The following PDE3A variants were observed in gnomAD, a reference collection of about 807,000 sequenced individuals.
PDE3A encodes cGMP-inhibited 3',5'-cyclic phosphodiesterase 3A.
In PDE3A, 43 loss-of-function variants were observed where a neutral mutation model predicts 98.3. That is an observed-to-expected ratio of 0.44 (90% CI 0.34 to 0.56). The LOEUF (loss-of-function observed/expected upper bound fraction) is 0.56, where lower values mean the gene tolerates loss of function less well. Among genes scored for constraint, PDE3A ranks in the 20% least tolerant of loss-of-function variants. The pLI is 0.01. For synonymous variants in PDE3A, 663 were observed against 567.9 expected (o/e 1.17, Z -2.38); for missense variants, 1,427 against 1,440.7 (o/e 0.99, Z 0.15).
At chr12:20,505,941 C>A (rs1946109286) in intron 1 of PDE3A, among the ~76,000 whole-genome samples, 4 of 151,884 alleles carry the variant, frequency 2.6e-5, no homozygotes, top group Non-Finnish European at 4.4e-5. Flanking sequence ...TTAGTGCCCC[C>A]AAAACACATA....
intron 15 of PDE3A, among the ~76,000 whole-genome samples, chr12:20,663,196 A>C (rs10083050): frequency 0.069 from 10,488 of 152,264 alleles, 720 homozygotes; most frequent in Middle Eastern, 0.18. Context: ...GATGTATGGC[A>C]ATGCCTGGAT....
intron 2 of PDE3A, among the ~76,000 whole-genome samples, chr12:20,563,124 A>G (rs953498881): frequency 6.6e-6 from 1 of 152,128 alleles, no homozygotes; most frequent in Non-Finnish European, 1.5e-5. Context: ...TTTGATGAGG[A>G]GTCATTGTGC....
chr12:20,469,697 T>C (rs1357171043), intron 1 of PDE3A, among the ~76,000 whole-genome samples: 1 of 152,254 alleles, frequency 6.6e-6, no homozygotes, highest in African/African-American at 2.4e-5. Context: ...AGACATTGCA[T>C]ACTGTCTAGA....
chr12:20,553,425 G>A (rs1304703475), intron 1 of PDE3A, among the ~76,000 whole-genome samples: 16 of 120,698 alleles, frequency 1.3e-4, no homozygotes, highest in African/African-American at 4.5e-4. Flanking sequence ...GGCCCCCAAG[G>A]TCAGAGCAAG....
chr12:20,629,789 G>A (rs1308184267), intron 5 of PDE3A, 119 bp from the exon 6 acceptor site: 2 of 740,796 alleles, frequency 2.7e-6, no homozygotes, highest in Non-Finnish European at 4.7e-6. Flanking sequence ...GGCCAGCCCG[G>A]TGACCTGAGC....
intron 1 of PDE3A, among the ~76,000 whole-genome samples, chr12:20,519,536 T>A (rs767260947): frequency 6.6e-6 from 1 of 152,234 alleles, no homozygotes; most frequent in African/African-American, 2.4e-5. Context: ...ATGTATATAT[T>A]CATTAAGTTC....
intron 1 of PDE3A, among the ~76,000 whole-genome samples, chr12:20,496,698 T>A (rs1255522691): frequency 6.6e-6 from 1 of 152,220 alleles, no homozygotes; most frequent in Non-Finnish European, 1.5e-5. Flanking sequence ...TATACTTTTT[T>A]AGATTTTGCT....
At chr12:20,535,889 G>A (rs1941736622) in intron 1 of PDE3A, among the ~76,000 whole-genome samples, 1 of 151,984 alleles carries the variant, frequency 6.6e-6, no homozygotes, top group Admixed American at 6.6e-5. Flanking sequence ...GTTTTAAGAG[G>A]GGATTTACTC....
chr12:20,444,643 T>C (rs4762756), intron 1 of PDE3A, among the ~76,000 whole-genome samples: 94,304 of 152,048 alleles, frequency 0.62, 31,551 homozygotes, highest in Non-Finnish European at 0.74. Flanking sequence ...CTTTTGAAAT[T>C]AAAGAAATAA....
At chr12:20,637,273 A>G in intron 9 of PDE3A, 36 bp downstream of exon 9, 2 of 1,500,584 alleles carry the variant, frequency 1.3e-6, no homozygotes, top group Non-Finnish European at 1.8e-6. Flanking sequence ...ATTTAAATAT[A>G]GGAAAAACAG....
intron 1 of PDE3A, among the ~76,000 whole-genome samples, chr12:20,545,516 A>T (rs1942027511): frequency 6.6e-6 from 1 of 152,090 alleles, no homozygotes; most frequent in Non-Finnish European, 1.5e-5. Context: ...TATCCGTTAA[A>T]TTCAGTCACA....
intron 1 of PDE3A, among the ~76,000 whole-genome samples, chr12:20,413,329 AT>A (rs992564077): frequency 6.6e-6 from 1 of 151,996 alleles, no homozygotes; most frequent in African/African-American, 2.4e-5. Context: ...GCAACCCACC[AT>A]TTTTTTTGTT....
chr12:20,552,714 T>C lies in PDE3A; in HGVS notation c.961-3946T>C, dbSNP rs1273593411. 4 of 1,613,898 alleles carry C rather than the reference T, an allele frequency of 2.5e-6. No homozygotes were observed. In the African/African-American group the frequency reaches 4.0e-5, roughly 16 times the overall value. Reference sequence around the variant, plus strand: ...ACAAGAGCAACGCCAAGCTGTGGAATGAGGTCCTGGCGTCACTCAAGGACC... The same window carrying C: ...ACAAGAGCAACGCCAAGCTGTGGAACGAGGTCCTGGCGTCACTCAAGGACC... On this transcript the variant is annotated intron_variant, in intron 1 of 15. Coordinates refer to ENST00000359062, the MANE Select transcript of PDE3A (RefSeq NM_000921.5). This position sits in a 1 kb window ranked among gnomAD's most constrained non-coding sequence, Gnocchi z 5.1.
At chr12:20,537,109 A>C (rs1244071442) in intron 1 of PDE3A, among the ~76,000 whole-genome samples, 1 of 152,068 alleles carries the variant, frequency 6.6e-6, no homozygotes, top group African/African-American at 2.4e-5. Flanking sequence ...GATGGGTATA[A>C]GATGGTATCT....
chr12:20,565,050 A>G (rs1942621170), intron 2 of PDE3A, among the ~76,000 whole-genome samples: 1 of 152,122 alleles, frequency 6.6e-6, no homozygotes. Flanking sequence ...AAACAAAAAT[A>G]ATACCTATTA....
intron 1 of PDE3A, among the ~76,000 whole-genome samples, chr12:20,422,915 A>C (rs1237520290): frequency 6.6e-6 from 1 of 152,214 alleles, no homozygotes; most frequent in Non-Finnish European, 1.5e-5. Context: ...TAATTTTAAA[A>C]TACTGACATC....
Position 20,635,121 on chromosome 12 carries a change from T to G in PDE3A, c.2001+65T>G, listed in dbSNP as rs751465183. The G allele has an allele frequency of 8.3e-6, 12 of 1,442,210 alleles. No homozygotes were observed. In the African/African-American group the frequency reaches 8.5e-5, roughly 10 times the overall value. 89.3% of individuals were successfully genotyped at this position (1,442,210 alleles called of 1,614,324 possible). On this transcript the variant is annotated intron_variant, in intron 8 of 15. Coordinates refer to ENST00000359062, the MANE Select transcript of PDE3A (RefSeq NM_000921.5). ...ATGAGCTTCTGTTACAGATATTGGCTCAGAAATGAATCTTTGAGGCCAGGC... is the reference window on the plus strand; with the variant it reads ...ATGAGCTTCTGTTACAGATATTGGCGCAGAAATGAATCTTTGAGGCCAGGC...
chr12:20,619,876 T>C (rs1944092667), intron 4 of PDE3A, among the ~76,000 whole-genome samples: 1 of 152,058 alleles, frequency 6.6e-6, no homozygotes. Flanking sequence ...AAAATTGAGA[T>C]AACAAGTGTC....
At chr12:20,374,638 A>C (rs1362903457) in intron 1 of PDE3A, among the ~76,000 whole-genome samples, 5 of 152,042 alleles carry the variant, frequency 3.3e-5, no homozygotes, top group African/African-American at 4.8e-5. Context: ...CGCTAGTTGA[A>C]TAAAGGCTTT....
Sources: gnomAD v4.1 joint callset for allele counts (sites outside exome capture counted in the v4.1 genomes callset) on GRCh38, gnomAD v4.1.1 for gene constraint, Gnocchi (gnomAD v3.1) non-coding constraint, MANE v1.5 for transcripts, NCBI Gene and HGNC (gene_info 2026-07-23, HGNC 2026-07-21) for gene names.